Variants in IL12RB2 observed in about 807,000 individuals in gnomAD.
IL12RB2 encodes the protein interleukin 12 receptor subunit beta 2, also known as interleukin-12 receptor subunit beta-2.
Under a neutral mutation model 89.4 loss-of-function variants are expected in IL12RB2, and 82 were observed. The ratio of observed to expected loss-of-function variants is 0.92; its 90% confidence interval spans 0.77 to 1.10. The LOEUF is 1.10. Ranked by LOEUF, IL12RB2 falls within the 50% of genes least tolerant of loss-of-function variation. IL12RB2 has a pLI of 0.00. For synonymous variants in IL12RB2, 368 were observed against 370.1 expected (o/e 0.99, Z 0.07); for missense variants, 963 against 1,031.9 (o/e 0.93, Z 0.92).
At chr1:67,355,777 T>G (rs1235025303) in intron 10 of IL12RB2, among the ~76,000 whole-genome samples, 1 of 152,180 alleles carries the variant, frequency 6.6e-6, no homozygotes, top group East Asian at 1.9e-4. Context: ...AAGGAATAAT[T>G]TTGAAAGGTG....
intron 4 of IL12RB2, among the ~76,000 whole-genome samples, chr1:67,324,414 G>A (rs1657010128): frequency 6.6e-6 from 1 of 152,046 alleles, no homozygotes; most frequent in African/African-American, 2.4e-5. Context: ...TAGAGAGGGG[G>A]TTTCACCATA....
intron 2 of IL12RB2, among the ~76,000 whole-genome samples, chr1:67,316,079 A>G (rs1326157308): frequency 6.6e-6 from 1 of 152,230 alleles, no homozygotes; most frequent in Non-Finnish European, 1.5e-5. Context: ...ATACACACAC[A>G]ATTTAAGTTT....
intron 10 of IL12RB2, among the ~76,000 whole-genome samples, chr1:67,364,476 A>G (rs1250429574): frequency 6.6e-6 from 1 of 152,244 alleles, no homozygotes; most frequent in African/African-American, 2.4e-5. Context: ...ACATTAATGA[A>G]AAAGAAGCTG....
At chr1:67,346,636 T>TGGGATTA (rs1660271757) in intron 9 of IL12RB2, among the ~76,000 whole-genome samples, 1 of 152,170 alleles carries the variant, frequency 6.6e-6, no homozygotes, top group Non-Finnish European at 1.5e-5. Flanking sequence ...TTTGCCCACC[T>TGGGATTA]CAGCCTCCCA....
chr1:67,387,641 T>G (rs373595781), intron 15 of IL12RB2, among the ~76,000 whole-genome samples: 1 of 145,490 alleles, frequency 6.9e-6, no homozygotes, highest in East Asian at 2.0e-4. Context: ...GAGGTGGAGA[T>G]TGCAGTGAAT....
chr1:67,314,349 A>C (rs1655477862), intron 2 of IL12RB2, among the ~76,000 whole-genome samples: 1 of 152,200 alleles, frequency 6.6e-6, no homozygotes, highest in Non-Finnish European at 1.5e-5. Flanking sequence ...GGGAATCAGC[A>C]GGGGAAATAG....
At chr1:67,314,544 G>A (rs2100535353) in intron 2 of IL12RB2, among the ~76,000 whole-genome samples, 1 of 152,308 alleles carries the variant, frequency 6.6e-6, no homozygotes, top group South Asian at 2.1e-4. Context: ...GCAGAACTGA[G>A]ATTCATTCAC....
chr1:67,370,840 A>T (rs1448973998), intron 11 of IL12RB2, among the ~76,000 whole-genome samples: 1 of 152,210 alleles, frequency 6.6e-6, no homozygotes, highest in Non-Finnish European at 1.5e-5. Context: ...GGAAATGTCA[A>T]CTGAATTACA....
In IL12RB2 at chr1:67,330,876, T is replaced by G. The variant is rs996202712; in HGVS notation, c.958+66T>G. The G allele has an allele frequency of 1.4e-5, 12 of 878,504 alleles. No individual in the cohort carries two copies. In the Admixed American group the frequency reaches 1.9e-4, roughly 14 times the overall value. The allele number at this position is 878,504 out of a possible 1,614,324, so 54.4% of individuals were successfully genotyped here. ...AGGGGAGAGAGGGGGGAAGATGTAATGATTTCCTTGGAATAGAATCTTTAA... is the reference window on the plus strand; with the variant it reads ...AGGGGAGAGAGGGGGGAAGATGTAAGGATTTCCTTGGAATAGAATCTTTAA... On this transcript the variant is annotated intron_variant, in intron 8 of 16. Transcript: ENST00000674203.
intron 16 of IL12RB2, among the ~76,000 whole-genome samples, chr1:67,391,867 T>C (rs1439608608): frequency 6.6e-6 from 1 of 152,090 alleles, no homozygotes; most frequent in Non-Finnish European, 1.5e-5. Context: ...ATGGTCTCAA[T>C]CTCCTGACCT....
chr1:67,376,881 G>T (rs368300694), intron 13 of IL12RB2, among the ~76,000 whole-genome samples: 1 of 152,154 alleles, frequency 6.6e-6, no homozygotes, highest in Non-Finnish European at 1.5e-5. Context: ...GGAACAGAAG[G>T]TCTCTCTAAA....
intron 9 of IL12RB2, 104 bp downstream of exon 9, chr1:67,338,807 G>C: frequency 1.4e-6 from 1 of 739,594 alleles, no homozygotes; most frequent in African/African-American, 1.7e-5. Context: ...GATTTTGCTA[G>C]AGCTCATTTT....
intron 10 of IL12RB2, among the ~76,000 whole-genome samples, chr1:67,365,133 G>A (rs1328226810): frequency 1.3e-5 from 2 of 152,102 alleles, no homozygotes; most frequent in Admixed American, 1.3e-4. Flanking sequence ...AAAATTTATG[G>A]AATGCAGCAA....
At chr1:67,368,079 G>C in intron 11 of IL12RB2, 54 bp downstream of exon 11, 1 of 1,198,578 alleles carries the variant, frequency 8.3e-7, no homozygotes, top group Non-Finnish European at 1.2e-6. Flanking sequence ...CATTTGTTTG[G>C]GGAAACTGCA....
intron 9 of IL12RB2, among the ~76,000 whole-genome samples, chr1:67,347,973 GT>G (rs1057495022): frequency 6.6e-6 from 1 of 152,174 alleles, no homozygotes; most frequent in African/African-American, 2.4e-5. Context: ...AGAATGGAGA[GT>G]TACAAGGGCT....
chr1:67,389,543 T>G (rs1284275528), intron 15 of IL12RB2, among the ~76,000 whole-genome samples: 1 of 152,004 alleles, frequency 6.6e-6, no homozygotes, highest in Non-Finnish European at 1.5e-5. Context: ...CCTATAATAC[T>G]TTTTTCTTGG....
intron 1 of IL12RB2, among the ~76,000 whole-genome samples, chr1:67,308,718 A>G (rs1454110638): frequency 6.6e-6 from 1 of 152,194 alleles, no homozygotes; most frequent in African/African-American, 2.4e-5. Flanking sequence ...GCATACAAAT[A>G]GACCTTGTCT....
At chr1:67,382,497 C>G (rs574971642) in intron 14 of IL12RB2, among the ~76,000 whole-genome samples, 1 of 152,266 alleles carries the variant, frequency 6.6e-6, no homozygotes, top group East Asian at 1.9e-4. Flanking sequence ...TCCATACTTG[C>G]CAGGTACACA....
chr1:67,358,111 A>T (rs1379718496), intron 10 of IL12RB2, among the ~76,000 whole-genome samples: 2 of 152,178 alleles, frequency 1.3e-5, no homozygotes, highest in African/African-American at 4.8e-5. Flanking sequence ...AAGTATAACA[A>T]TATTTAGGGA....
Sources: gnomAD v4.1 joint callset for allele counts (sites outside exome capture counted in the v4.1 genomes callset) on GRCh38, gnomAD v4.1.1 for gene constraint, MANE v1.5 for transcripts, NCBI Gene and HGNC (gene_info 2026-07-23, HGNC 2026-07-21) for gene names.